Variants in MPHOSPH9 observed in about 807,000 individuals in gnomAD.
MPHOSPH9 encodes the protein M-phase phosphoprotein 9.
Under a neutral mutation model 145.5 loss-of-function variants are expected in MPHOSPH9, and 88 were observed. The observed-to-expected ratio is 0.60, with a 90% CI of 0.51 to 0.72. The LOEUF is 0.72. MPHOSPH9 is among the 30% of genes least tolerant of loss of function. The pLI is 0.00. For missense variants in MPHOSPH9, 1,238 were observed against 1,386.6 expected (o/e 0.89, Z 1.70); for synonymous variants, 435 against 486.2 (o/e 0.89, Z 1.39).
chr12:123,183,216 G>A (rs989808153), intron 13 of MPHOSPH9, among the ~76,000 whole-genome samples: 10 of 151,382 alleles, frequency 6.6e-5, no homozygotes, highest in African/African-American at 2.4e-4. Flanking sequence ...GACAGTAACA[G>A]GTGAGAGATT....
At chr12:123,206,948 C>T (rs2046461671) in intron 8 of MPHOSPH9, among the ~76,000 whole-genome samples, 1 of 151,750 alleles carries the variant, frequency 6.6e-6, no homozygotes. Flanking sequence ...GGCACAGTGA[C>T]TCACAGCTGT....
At chr12:123,213,177 T>G (rs1399148808) in intron 7 of MPHOSPH9, among the ~76,000 whole-genome samples, 24 of 152,110 alleles carry the variant, frequency 1.6e-4, no homozygotes, top group Admixed American at 1.6e-3. Flanking sequence ...TGTTTTTCAC[T>G]CTCAGTGTTC....
chr12:123,180,645 G>A (rs1035088771), intron 14 of MPHOSPH9, among the ~76,000 whole-genome samples: 25 of 152,180 alleles, frequency 1.6e-4, no homozygotes, highest in African/African-American at 4.6e-4. Context: ...GGCTGACACA[G>A]GTGGACCACT....
intron 3 of MPHOSPH9, among the ~76,000 whole-genome samples, chr12:123,224,414 G>A (rs558975337): frequency 2.0e-5 from 3 of 151,878 alleles, no homozygotes; most frequent in African/African-American, 4.8e-5. Context: ...GATTACAGGC[G>A]TGAGCCACTG....
chr12:123,227,726 T>G, intron 2 of MPHOSPH9, 110 bp from the exon 3 acceptor site: 1 of 881,450 alleles, frequency 1.1e-6, no homozygotes, highest in Non-Finnish European at 1.6e-6. Context: ...CATTTAATCC[T>G]TCTAATGGCA....
intron 8 of MPHOSPH9, among the ~76,000 whole-genome samples, chr12:123,205,283 C>T (rs1465402753): frequency 3.3e-5 from 5 of 152,166 alleles, no homozygotes; most frequent in Non-Finnish European, 7.3e-5. Flanking sequence ...TGGTGGCTCA[C>T]GCCTGTAATC....
chr12:123,202,894 G>C lies in MPHOSPH9; in HGVS notation c.1511C>G (p.Pro504Arg). ...GTGTGAGGGATATTTTGGAAATCCAGGTAACTGAGAAGTGACATTACTTGC... is the reference window on the plus strand; with the variant it reads ...GTGTGAGGGATATTTTGGAAATCCACGTAACTGAGAAGTGACATTACTTGC... The part of the protein sequence containing the change: ...SQASNVTSQL[P>R]GFPKYPSHTK... The change falls in exon 10 of 24, where the codon CCT becomes CGT. Residue 504 changes from proline (P) to arginine (R), a missense_variant. By Grantham distance (103) the Pro-to-Arg change is moderately radical. Coordinates refer to ENST00000606320, the MANE Select transcript of MPHOSPH9 (RefSeq NM_022782.4). 1.2e-6 allele frequency: 2 copies of C among 1,614,174 alleles called. No individual in the cohort carries two copies. Among genetic ancestry groups the C allele is most frequent in the African/African-American group, 1.3e-5 (1 of 75,048 alleles).
chr12:123,158,962 G>A (rs2043984738), intron 23 of MPHOSPH9, among the ~76,000 whole-genome samples: 1 of 151,930 alleles, frequency 6.6e-6, no homozygotes, highest in Non-Finnish European at 1.5e-5. Context: ...CCGGGCCCAT[G>A]TGCCTGTAAT....
chr12:123,198,374 T>A lies in MPHOSPH9; in HGVS notation c.1938-40A>T. 2.1e-6 allele frequency: 3 copies of A among 1,459,806 alleles called. 1 individual carries two copies. The highest frequency in any genetic ancestry group is 2.8e-6 in the Non-Finnish European group (3 of 1,058,024). 90.4% of individuals were successfully genotyped at this position (1,459,806 alleles called of 1,614,324 possible). A position where few individuals can be genotyped will look rare whatever the true frequency, so the allele number is the denominator to read the frequency against. ...TTTAGCTTCAATTAGAAGATAAAAT[T>A]ATTACCCTTAAAAGTATTACATAAA... On this transcript the variant is annotated intron_variant, in intron 11 of 23. Transcript: ENST00000606320.
rs1357233084 is a variant in MPHOSPH9 at position 123,198,228 on chromosome 12, C to T, written c.2025+19G>A. Reference sequence around the variant, plus strand: ...TTCATTTGTCTCACCAGAACACCCACCAAAAAAAGAGTACTTACCACTTCA... The same window carrying T: ...TTCATTTGTCTCACCAGAACACCCATCAAAAAAAGAGTACTTACCACTTCA... On this transcript the variant is annotated intron_variant, in intron 12 of 23. Transcript: ENST00000606320. 1 of 1,578,398 alleles carries T rather than the reference C, an allele frequency of 6.3e-7. No individual in the cohort carries two copies.
intron 21 of MPHOSPH9, 107 bp downstream of exon 21, chr12:123,162,008 A>C: frequency 1.6e-6 from 1 of 636,110 alleles, no homozygotes; most frequent in Non-Finnish European, 2.4e-6. Flanking sequence ...CTTGAGTGGG[A>C]AAATATTTAA....
intron 13 of MPHOSPH9, among the ~76,000 whole-genome samples, chr12:123,193,346 C>T (rs780165126): frequency 1.4e-4 from 21 of 152,162 alleles, no homozygotes; most frequent in Non-Finnish European, 2.4e-4. Flanking sequence ...CTGAAAGTAA[C>T]AGCCTCTAGG....
In MPHOSPH9 at chr12:123,210,066, G is replaced by A; in HGVS notation, c.1184C>T (p.Ser395Leu). The A allele has an allele frequency of 1.9e-6, 3 of 1,607,730 alleles. No individual in the cohort carries two copies. Among genetic ancestry groups the A allele is most frequent in the Non-Finnish European group, 2.6e-6 (3 of 1,176,452 alleles). Residue 395 changes from serine (S) to leucine (L), a missense_variant, in exon 8 of 24, where the codon TCA becomes TTA. Ser to Leu is a moderately radical substitution (Grantham distance 145). Transcript: ENST00000606320. Reference protein sequence around the residue: ...TFISLSSTDVSPNQSNTSNEM... With the variant: ...TFISLSSTDVLPNQSNTSNEM... Reference sequence around the variant, plus strand: ...GTGTTTTTAAATTACCTGGTTTGGTGACACATCTGTGGAAGACAATGATAT... The same window carrying A: ...GTGTTTTTAAATTACCTGGTTTGGTAACACATCTGTGGAAGACAATGATAT...
At chr12:123,176,146 T>C (rs1319348539) in intron 16 of MPHOSPH9, among the ~76,000 whole-genome samples, 2 of 152,130 alleles carry the variant, frequency 1.3e-5, no homozygotes, top group African/African-American at 4.8e-5. Context: ...ATATTCTTTA[T>C]TTACACCCAA....
At chr12:123,200,345 A>G (rs1057293115) in intron 11 of MPHOSPH9, among the ~76,000 whole-genome samples, 1 of 151,930 alleles carries the variant, frequency 6.6e-6, no homozygotes, top group Non-Finnish European at 1.5e-5. Flanking sequence ...TTTTTTGGGA[A>G]GAGGAGAAAA....
intron 1 of MPHOSPH9, among the ~76,000 whole-genome samples, chr12:123,239,604 G>A (rs1367470182): frequency 2.0e-5 from 3 of 151,880 alleles, no homozygotes; most frequent in East Asian, 1.9e-4. Context: ...GGGTTTCACC[G>A]TGTTAGCCAG....
chr12:123,213,684 A>G (rs914822453), intron 7 of MPHOSPH9, among the ~76,000 whole-genome samples: 6 of 152,188 alleles, frequency 3.9e-5, no homozygotes, highest in Admixed American at 3.9e-4. Context: ...GTTTATCAGG[A>G]CATAACCCCA....
intron 7 of MPHOSPH9, among the ~76,000 whole-genome samples, chr12:123,214,300 A>G (rs1208456606): frequency 3.3e-5 from 5 of 152,208 alleles, no homozygotes; most frequent in African/African-American, 1.2e-4. Context: ...GCACTTTGAG[A>G]AACCGAGGCT....
chr12:123,162,279 A>C, intron 20 of MPHOSPH9, 61 bp from the exon 21 acceptor site: 2 of 864,312 alleles, frequency 2.3e-6, no homozygotes, highest in Non-Finnish European at 3.4e-6. Flanking sequence ...CCCTATCTCC[A>C]CTACAAAGAT....
Sources: gnomAD v4.1 joint callset for allele counts (sites outside exome capture counted in the v4.1 genomes callset) on GRCh38, gnomAD v4.1.1 for gene constraint, MANE v1.5 for transcripts, NCBI Gene and HGNC (gene_info 2026-07-23, HGNC 2026-07-21) for gene names.